Variants in FBXL7 observed in about 807,000 individuals in gnomAD.
FBXL7 encodes F-box/LRR-repeat protein 7.
A neutral mutation model predicts 38.3 loss-of-function variants in FBXL7; 12 were observed. The ratio of observed to expected loss-of-function variants is 0.31; its 90% CI spans 0.20 to 0.51. FBXL7 has a LOEUF of 0.51. Ranked by LOEUF, FBXL7 falls within the 20% of genes least tolerant of loss-of-function variation. The pLI is 0.98. For synonymous variants in FBXL7, 297 were observed against 300.9 expected (o/e 0.99, Z 0.13); for missense variants, 567 against 676.4 (o/e 0.84, Z 1.79).
chr5:15,739,529 T>C (rs1735841355), intron 2 of FBXL7, among the ~76,000 whole-genome samples: 1 of 152,128 alleles, frequency 6.6e-6, no homozygotes, highest in African/African-American at 2.4e-5. Flanking sequence ...CTCACACCCA[T>C]TAGTATTTAT....
intron 2 of FBXL7, among the ~76,000 whole-genome samples, chr5:15,897,743 C>G (rs979645843): frequency 2.0e-5 from 3 of 152,110 alleles, no homozygotes; most frequent in Non-Finnish European, 2.9e-5. Context: ...TGTGTTGAAG[C>G]CCCAGCCAGG....
intron 2 of FBXL7, among the ~76,000 whole-genome samples, chr5:15,790,757 G>T (rs1011922729): frequency 6.6e-6 from 1 of 152,164 alleles, no homozygotes; most frequent in Non-Finnish European, 1.5e-5. Context: ...CATCGGTCTT[G>T]TCTTTAAGAC....
intron 2 of FBXL7, among the ~76,000 whole-genome samples, chr5:15,776,913 A>T (rs1381336461): frequency 6.6e-6 from 1 of 152,130 alleles, no homozygotes; most frequent in Non-Finnish European, 1.5e-5. Context: ...ACCTGATTAC[A>T]TATATATCTT....
At chr5:15,736,516 A>C (rs1227250866) in intron 2 of FBXL7, among the ~76,000 whole-genome samples, 2 of 152,344 alleles carry the variant, frequency 1.3e-5, no homozygotes, top group East Asian at 3.9e-4. Context: ...TAAATCACCC[A>C]ATCTTAAATG....
intron 2 of FBXL7, among the ~76,000 whole-genome samples, chr5:15,826,536 A>T (rs1432364854): frequency 2.0e-5 from 3 of 152,120 alleles, no homozygotes; most frequent in South Asian, 4.1e-4. Flanking sequence ...CTTGTGCCTC[A>T]GCCTCTTGGG....
chr5:15,713,753 T>C (rs553541669), intron 2 of FBXL7, among the ~76,000 whole-genome samples: 1 of 152,322 alleles, frequency 6.6e-6, no homozygotes, highest in South Asian at 2.1e-4. Context: ...TTAATTGTCT[T>C]CTGAGACAGC....
At chr5:15,821,340 G>T (rs1474576767) in intron 2 of FBXL7, among the ~76,000 whole-genome samples, 1 of 151,972 alleles carries the variant, frequency 6.6e-6, no homozygotes, top group African/African-American at 2.4e-5. Context: ...TTACATGATT[G>T]TGTGTGAGTT....
In FBXL7 at chr5:15,721,237, G is replaced by A. The variant is rs145005317; in HGVS notation, c.127+105165G>A. ...CTTATAGACCATTTCTTGGATTTTC[G>A]AAGATTTTTTTTTAGTGTAAAACCT... On this transcript the variant is annotated intron_variant, in intron 2 of 3. Transcript: ENST00000504595. Among the ~76,000 whole-genome samples the A allele has an allele frequency of 2.4e-3, 366 of 152,008 alleles. 3 individuals are homozygous for A. The highest frequency in any genetic ancestry group is 8.4e-3 in the African/African-American group (349 of 41,462).
chr5:15,716,148 G>C (rs1263701490), intron 2 of FBXL7, among the ~76,000 whole-genome samples: 1 of 152,158 alleles, frequency 6.6e-6, no homozygotes, highest in Non-Finnish European at 1.5e-5. Flanking sequence ...ATGTTTTTGT[G>C]TACAGCTTTC....
At chr5:15,778,407 G>C (rs1490854547) in intron 2 of FBXL7, among the ~76,000 whole-genome samples, 4 of 152,074 alleles carry the variant, frequency 2.6e-5, no homozygotes, top group Non-Finnish European at 5.9e-5. Flanking sequence ...TGGTACCATA[G>C]TTCTCAACGC....
chr5:15,794,296 A>G (rs1406227860), intron 2 of FBXL7, among the ~76,000 whole-genome samples: 1 of 152,226 alleles, frequency 6.6e-6, no homozygotes, highest in East Asian at 1.9e-4. Flanking sequence ...ATTGTTAATC[A>G]TTTAATCAAC....
chr5:15,594,370 T>A (rs1303194527), intron 1 of FBXL7, among the ~76,000 whole-genome samples: 1 of 152,258 alleles, frequency 6.6e-6, no homozygotes, highest in South Asian at 2.1e-4. Flanking sequence ...TGTTCTGATC[T>A]TGGGCGGTCC....
intron 2 of FBXL7, among the ~76,000 whole-genome samples, chr5:15,823,752 G>A (rs1413960363): frequency 6.6e-6 from 1 of 152,026 alleles, no homozygotes; most frequent in African/African-American, 2.4e-5. Context: ...CATCTCAAAT[G>A]TACAAAGATG....
At chr5:15,627,421 G>A (rs910474926) in intron 2 of FBXL7, among the ~76,000 whole-genome samples, 3 of 152,170 alleles carry the variant, frequency 2.0e-5, no homozygotes, top group African/African-American at 7.2e-5. Flanking sequence ...AGGGTGTGAA[G>A]AGCTGGGAGA....
chr5:15,778,935 A>T (rs1736925539), intron 2 of FBXL7, among the ~76,000 whole-genome samples: 1 of 152,194 alleles, frequency 6.6e-6, no homozygotes, highest in African/African-American at 2.4e-5. Flanking sequence ...GTGGTTTCTT[A>T]CTACATTTAT....
intron 2 of FBXL7, among the ~76,000 whole-genome samples, chr5:15,886,494 CT>C (rs1740684740): frequency 6.6e-6 from 1 of 152,140 alleles, no homozygotes; most frequent in South Asian, 2.1e-4. Context: ...CAGAAGTACA[CT>C]GTTTTTTCCT....
chr5:15,540,346 T>C (rs1032481602), intron 1 of FBXL7, among the ~76,000 whole-genome samples: 1 of 152,194 alleles, frequency 6.6e-6, no homozygotes, highest in Non-Finnish European at 1.5e-5. Flanking sequence ...TGAATTTGTT[T>C]GTTCATTCTT....
chr5:15,864,753 G>A (rs538002159), intron 2 of FBXL7, among the ~76,000 whole-genome samples: 5 of 152,192 alleles, frequency 3.3e-5, no homozygotes, highest in Non-Finnish European at 4.4e-5. Context: ...CATGGTTTAC[G>A]TTGCAGTAGA....
At chr5:15,917,975 A>G (rs1170075419) in intron 2 of FBXL7, among the ~76,000 whole-genome samples, 1 of 152,196 alleles carries the variant, frequency 6.6e-6, no homozygotes, top group East Asian at 1.9e-4. Context: ...GCAGTGGCTC[A>G]TGCCTGTAAT....
Sources: allele counts gnomAD v4.1 joint callset (sites outside exome capture counted in the v4.1 genomes callset), GRCh38; gene constraint gnomAD v4.1.1; transcripts MANE v1.5; gene names NCBI Gene and HGNC (gene_info 2026-07-23, HGNC 2026-07-21).